Variants in GEMIN5 observed in about 807,000 individuals in gnomAD.
GEMIN5 encodes the protein gem nuclear organelle associated protein 5.
Under a neutral mutation model 176.9 loss-of-function variants are expected in GEMIN5, and 124 were observed. The ratio of observed to expected loss-of-function variants is 0.70; its 90% CI spans 0.61 to 0.81. The LOEUF is 0.81. GEMIN5 is among the 40% of genes least tolerant of loss of function. The pLI, the probability that GEMIN5 is intolerant of heterozygous loss-of-function variation, is 0.00. For missense variants in GEMIN5, 1,843 were observed against 1,814.6 expected (o/e 1.02, Z -0.28); for synonymous variants, 673 against 665.2 (o/e 1.01, Z -0.18).
rs1321038871 is a variant in GEMIN5 at position 154,891,093 on chromosome 5, G to A, written c.4262+148C>T. 2 of 314,160 alleles carry A rather than the reference G, an allele frequency of 6.4e-6. No homozygotes were observed. The highest frequency in any genetic ancestry group is 7.4e-5 in the South Asian group (1 of 13,506). 19.5% of individuals were successfully genotyped at this position (314,160 alleles called of 1,614,324 possible). A position where few individuals can be genotyped will look rare whatever the true frequency, so the allele number is the denominator to read the frequency against. On this transcript the variant is annotated intron_variant, in intron 26 of 27. Coordinates refer to ENST00000285873, the MANE Select transcript of GEMIN5 (RefSeq NM_015465.5). Reference sequence around the variant, plus strand: ...TTTTTTTTTGTAGAGACAGGGTCTCGCTTTTTTGCCCGGGCTGGTGGTGAA... The same window carrying A: ...TTTTTTTTTGTAGAGACAGGGTCTCACTTTTTTGCCCGGGCTGGTGGTGAA...
intron 9 of GEMIN5, among the ~76,000 whole-genome samples, chr5:154,922,273 T>C (rs1340158486): frequency 6.6e-6 from 1 of 152,182 alleles, no homozygotes; most frequent in Non-Finnish European, 1.5e-5. Flanking sequence ...GTTCACACCA[T>C]TCTCCTGCCT....
chr5:154,907,557 A>C (rs1181570490), intron 16 of GEMIN5, 34 bp downstream of exon 16: 2 of 1,518,612 alleles, frequency 1.3e-6, no homozygotes, highest in Non-Finnish European at 1.8e-6. Flanking sequence ...CACGACCATG[A>C]AATCCTAGTG....
intron 24 of GEMIN5, among the ~76,000 whole-genome samples, chr5:154,895,243 T>TG (rs1763324550): frequency 6.6e-6 from 1 of 151,712 alleles, no homozygotes; most frequent in African/African-American, 2.4e-5. Flanking sequence ...GGCTCATGCC[T>TG]GTAATCCCAG....
intron 25 of GEMIN5, 31 bp from the exon 26 acceptor site, chr5:154,891,773 T>G: frequency 6.5e-7 from 1 of 1,539,216 alleles, no homozygotes; most frequent in East Asian, 2.2e-5. Context: ...TACTGGGTCA[T>G]GCATTTCTCT....
intron 13 of GEMIN5, among the ~76,000 whole-genome samples, chr5:154,913,241 C>G (rs1763742816): frequency 6.6e-6 from 1 of 152,102 alleles, no homozygotes; most frequent in Non-Finnish European, 1.5e-5. Flanking sequence ...TCTCGGCTCA[C>G]TGCAACCTCC....
intron 13 of GEMIN5, among the ~76,000 whole-genome samples, chr5:154,915,964 A>T (rs768062708): frequency 6.6e-6 from 1 of 152,218 alleles, no homozygotes; most frequent in South Asian, 2.1e-4. Flanking sequence ...ATTGTAAAAA[A>T]AAATAAATAA....
chr5:154,890,087 T>C (rs816738), intron 26 of GEMIN5, among the ~76,000 whole-genome samples: 146,204 of 152,302 alleles, frequency 0.96, 70,232 homozygotes, highest in South Asian at 0.99. Context: ...TTCCCACCAA[T>C]AGGCACAAGG....
intron 14 of GEMIN5, 71 bp downstream of exon 14, chr5:154,912,828 T>A: frequency 2.2e-6 from 3 of 1,352,134 alleles, no homozygotes; most frequent in Non-Finnish European, 3.1e-6. Context: ...TGTTCACAAC[T>A]GGGGGAAAAG....
Position 154,896,226 on chromosome 5 carries a change from G to C in GEMIN5, c.3463C>G (p.Pro1155Ala), listed in dbSNP as rs6865950. The C allele has an allele frequency of 6.2e-7, 1 of 1,613,530 alleles. No individual in the cohort carries two copies. Among genetic ancestry groups the C allele is most frequent in the Admixed American group, 1.7e-5 (1 of 59,924 alleles). ...ACTGCAGTCACCCTCTCCACGAAAG[G>C]CCCTTCGGTGCCCGTGTTCCAAGTG... ...YHTWNTGTEGPFVERVTAVWK... is the reference protein window; with the variant it reads ...YHTWNTGTEGAFVERVTAVWK... Residue 1155 changes from proline to alanine, a missense_variant, in exon 24 of 28, where the codon CCT becomes GCT. Coordinates refer to ENST00000285873, the MANE Select transcript of GEMIN5 (RefSeq NM_015465.5).
At position 154,898,476 on chromosome 5, in the gene GEMIN5, TCC is replaced by T; in HGVS notation, c.3307_3308del (p.Gly1103SerfsTer9). 6.2e-7 allele frequency: 1 copy of T among 1,613,868 alleles called. No individual in the cohort carries two copies. The highest frequency in any genetic ancestry group is 1.1e-5 in the South Asian group (1 of 91,076). On this transcript the variant is annotated frameshift_variant, in exon 23 of 28. Transcript: ENST00000285873. LOFTEE classifies it high-confidence loss of function. Reference sequence around the variant, plus strand: ...CATGCAGCTGCAGGGCTTCCTGGGCTCCCACCCAGTTGTTGGCCAGAAGCAGC... The same window carrying T: ...CATGCAGCTGCAGGGCTTCCTGGGCTCACCCAGTTGTTGGCCAGAAGCAGC... ...QELLLANNWV[G>X]AQEALQLHES...
intron 14 of GEMIN5, 88 bp downstream of exon 14, chr5:154,912,811 G>A: frequency 8.7e-7 from 1 of 1,146,408 alleles, no homozygotes; most frequent in Non-Finnish European, 1.2e-6. Flanking sequence ...ATGGGGGAGG[G>A]GGAACCTGTT....
chr5:154,893,146 A>G (rs1413383262), intron 24 of GEMIN5, among the ~76,000 whole-genome samples: 1 of 151,724 alleles, frequency 6.6e-6, no homozygotes, highest in African/African-American at 2.4e-5. Context: ...CTGGAACTAA[A>G]AGCTGTAATT....
At chr5:154,897,017 G>C (rs1763365713) in intron 23 of GEMIN5, among the ~76,000 whole-genome samples, 1 of 152,164 alleles carries the variant, frequency 6.6e-6, no homozygotes, top group Non-Finnish European at 1.5e-5. Context: ...TGCTTATTAG[G>C]TTTTTTTGCT....
intron 24 of GEMIN5, among the ~76,000 whole-genome samples, chr5:154,895,358 T>C (rs183399540): frequency 2.1e-3 from 306 of 144,238 alleles, no homozygotes; most frequent in African/African-American, 7.5e-3. Flanking sequence ...AAAAAAGAAG[T>C]AGGTATATTC....
rs1332334933 is a variant in GEMIN5 at position 154,932,112 on chromosome 5, T to C, written c.648A>G (p.Gln216=). ...AACCATCTCTACCTGAAGTTTCCTC[T>C]TGGTTTATAGATAAACAATCTTCAC... ...LPGEDCLSIN[Q]EETSEEAEIT... The change falls in exon 4 of 28, where the codon CAA becomes CAG. Residue 216 remains glutamine (Q), a synonymous_variant. Coordinates refer to ENST00000285873, the MANE Select transcript of GEMIN5 (RefSeq NM_015465.5). The C allele has an allele frequency of 1.2e-5, 19 of 1,612,836 alleles. No homozygotes were observed. The highest frequency in any genetic ancestry group is 1.5e-5 in the Non-Finnish European group (18 of 1,179,462).
chr5:154,909,289 C>T (rs542642255), intron 15 of GEMIN5, among the ~76,000 whole-genome samples: 2 of 151,756 alleles, frequency 1.3e-5, no homozygotes, highest in East Asian at 3.9e-4. Context: ...CTTCTAATTC[C>T]AGGATTTCAC....
Position 154,899,829 on chromosome 5 carries a change from T to C in GEMIN5, c.3015-519A>G, listed in dbSNP as rs137886608. Among the ~76,000 whole-genome samples the C allele has an allele frequency of 5.5e-3, 832 of 152,262 alleles. 8 individuals carry two copies. The highest frequency in any genetic ancestry group is 0.019 in the African/African-American group (787 of 41,544). ...TGACAAATGGGAAGAACATTTTGTGTTCTCTGCTGCATTCCAAAGTAGAAT... is the reference window on the plus strand; with the variant it reads ...TGACAAATGGGAAGAACATTTTGTGCTCTCTGCTGCATTCCAAAGTAGAAT... On this transcript the variant is annotated intron_variant, in intron 21 of 27. Transcript: ENST00000285873.
At chr5:154,893,173 C>T (rs1327722252) in intron 24 of GEMIN5, among the ~76,000 whole-genome samples, 1 of 148,758 alleles carries the variant, frequency 6.7e-6, no homozygotes, top group African/African-American at 2.5e-5. Flanking sequence ...AAAATAAAGG[C>T]TGGGTGCAGT....
At chr5:154,901,567 G>T in intron 20 of GEMIN5, 81 bp from the exon 21 acceptor site, 1 of 1,391,420 alleles carries the variant, frequency 7.2e-7, no homozygotes, top group Non-Finnish European at 1.0e-6. Context: ...GGTTGAAAAA[G>T]CCTTGTTTTC....
Sources: gnomAD v4.1 joint callset for allele counts (sites outside exome capture counted in the v4.1 genomes callset) on GRCh38, gnomAD v4.1.1 for gene constraint, MANE v1.5 for transcripts, NCBI Gene and HGNC (gene_info 2026-07-23, HGNC 2026-07-21) for gene names.